Variants in PRLR observed in about 807,000 individuals in gnomAD.
PRLR encodes the protein hPRL receptor.
In PRLR, 13 loss-of-function variants were observed where a neutral mutation model predicts 40.2. That is an observed-to-expected ratio of 0.32 (90% CI 0.21 to 0.51). The LOEUF is 0.51. PRLR is among the 20% of genes least tolerant of loss of function. PRLR has a pLI of 0.97. For missense variants in PRLR, 656 were observed against 747.3 expected, an observed-to-expected ratio of 0.88 and a Z score of 1.42; for synonymous variants, 269 against 278.7, an observed-to-expected ratio of 0.97 and a Z score of 0.35.
chr5:35,094,536 C>T (rs1402374306), intron 2 of PRLR, among the ~76,000 whole-genome samples: 3 of 152,134 alleles, frequency 2.0e-5, no homozygotes, highest in African/African-American at 7.2e-5. Context: ...AAGCCCTGTG[C>T]ATTTCATAAT....
At chr5:35,102,137 A>C (rs946492549) in intron 2 of PRLR, among the ~76,000 whole-genome samples, 7 of 151,776 alleles carry the variant, frequency 4.6e-5, no homozygotes, top group Non-Finnish European at 7.4e-5. Flanking sequence ...CAAACTTTTA[A>C]TCTATTGGGT....
rs117118932 is a variant in PRLR at position 35,151,106 on chromosome 5, C to T, written c.-105-32984G>A. Among the ~76,000 whole-genome samples, 11 of 152,314 alleles carry T rather than the reference C, an allele frequency of 7.2e-5. No individual in the cohort carries two copies. In the East Asian group the frequency reaches 1.9e-3, roughly 27 times the overall value. On this transcript the variant is annotated intron_variant, in intron 1 of 9. Coordinates refer to ENST00000618457, the MANE Select transcript of PRLR (RefSeq NM_000949.7). Reference sequence around the variant, plus strand: ...GCTATTTACCAATATTTCTAGCTCTCCTTCCTTTCTGGGTACACAGGAGGG... The same window carrying T: ...GCTATTTACCAATATTTCTAGCTCTTCTTCCTTTCTGGGTACACAGGAGGG...
At chr5:35,219,151 G>C (rs113710365) in intron 1 of PRLR, among the ~76,000 whole-genome samples, 1 of 152,104 alleles carries the variant, frequency 6.6e-6, no homozygotes, top group African/African-American at 2.4e-5. Flanking sequence ...TCCAACTCCC[G>C]GAAGCCCGGC....
At chr5:35,151,560 C>T (rs77505498) in intron 1 of PRLR, among the ~76,000 whole-genome samples, 3,923 of 152,184 alleles carry the variant, frequency 0.026, 87 homozygotes, top group Middle Eastern at 0.092. Flanking sequence ...AGTGATGCTG[C>T]ATGACCACCA....
At chr5:35,158,010 T>C (rs1378131329) in intron 1 of PRLR, among the ~76,000 whole-genome samples, 2 of 152,204 alleles carry the variant, frequency 1.3e-5, no homozygotes, top group East Asian at 3.8e-4. Flanking sequence ...ACACTTTGAG[T>C]ATTTAGAGAA....
At chr5:35,094,741 T>C (rs551483859) in intron 2 of PRLR, among the ~76,000 whole-genome samples, 3 of 152,250 alleles carry the variant, frequency 2.0e-5, no homozygotes, top group South Asian at 4.1e-4. Context: ...ACCTGCCTTG[T>C]TCTACCTGGG....
At chr5:35,212,707 T>C (rs1032849293) in intron 1 of PRLR, among the ~76,000 whole-genome samples, 2 of 152,232 alleles carry the variant, frequency 1.3e-5, no homozygotes, top group Non-Finnish European at 2.9e-5. Context: ...TGTTCCCATT[T>C]TGCATAACCA....
Position 35,065,725 on chromosome 5 carries a change from G to C in PRLR, c.1233C>G (p.Ser411=). 1 of 1,614,076 alleles carries C rather than the reference G, an allele frequency of 6.2e-7. No homozygotes were observed. Among genetic ancestry groups the C allele is most frequent in the Non-Finnish European group, 8.5e-7 (1 of 1,180,014 alleles). Reference sequence around the variant, plus strand: ...GTGGTAAGGGCCATGTTGAACATTTGGATCCACCAGCATGAAAATAGGGGA... The same window carrying C: ...GTGGTAAGGGCCATGTTGAACATTTCGATCCACCAGCATGAAAATAGGGGA... ...GKIPYFHAGG[S]KCSTWPLPQP... Residue 411 remains serine, a synonymous_variant, in exon 10 of 10, where the codon TCC becomes TCG. Coordinates refer to ENST00000618457, the MANE Select transcript of PRLR (RefSeq NM_000949.7).
chr5:35,101,828 A>T (rs987558249), intron 2 of PRLR, among the ~76,000 whole-genome samples: 2 of 147,918 alleles, frequency 1.4e-5, no homozygotes, highest in East Asian at 1.9e-4. Context: ...TTTATATATT[A>T]TATATATATA....
intron 1 of PRLR, among the ~76,000 whole-genome samples, chr5:35,208,977 A>C (rs756517347): frequency 6.6e-6 from 1 of 152,178 alleles, no homozygotes; most frequent in Non-Finnish European, 1.5e-5. Context: ...AATGTTATAC[A>C]AGCTTAAAAA....
chr5:35,049,306 G>C (rs1768393374), exon 9 of PRLR: 3 of 703,372 alleles, frequency 4.3e-6, no homozygotes, highest in Non-Finnish European at 2.6e-6. Context: ...TGTGGTCAAT[G>C]TTGCCTTTGT....
chr5:35,148,762 G>T (rs752536376), intron 1 of PRLR, among the ~76,000 whole-genome samples: 3 of 152,032 alleles, frequency 2.0e-5, no homozygotes, highest in Non-Finnish European at 4.4e-5. Context: ...AATTTTAGGA[G>T]ACTTTTTTAA....
intron 1 of PRLR, among the ~76,000 whole-genome samples, chr5:35,144,797 G>A (rs953834435): frequency 2.5e-4 from 38 of 152,130 alleles, no homozygotes; most frequent in African/African-American, 8.9e-4. Flanking sequence ...AAGACATAGG[G>A]TCTCACTGTG....
chr5:35,132,617 A>G (rs2111782876), intron 1 of PRLR, among the ~76,000 whole-genome samples: 1 of 152,346 alleles, frequency 6.6e-6, no homozygotes, highest in African/African-American at 2.4e-5. Context: ...TAGGAAACAC[A>G]TTGGTGAATT....
At chr5:35,102,751 C>A (rs10447126) in intron 2 of PRLR, among the ~76,000 whole-genome samples, 1 of 152,022 alleles carries the variant, frequency 6.6e-6, no homozygotes, top group African/African-American at 2.4e-5. Flanking sequence ...CCATATTGGT[C>A]AGGCTGGTCT....
intron 2 of PRLR, among the ~76,000 whole-genome samples, chr5:35,096,369 T>C (rs1205397873): frequency 6.6e-6 from 1 of 152,114 alleles, no homozygotes; most frequent in Non-Finnish European, 1.5e-5. Flanking sequence ...AAGGCAAGAA[T>C]AGGAATTGGA....
chr5:35,181,308 A>C, intron 1 of PRLR, among the ~76,000 whole-genome samples: 1 of 148,440 alleles, frequency 6.7e-6, no homozygotes, highest in East Asian at 2.0e-4. Context: ...ACTAGGCATT[A>C]GAGTTTAGCT....
At chr5:35,066,597 C>T (rs1265716937) in intron 9 of PRLR, among the ~76,000 whole-genome samples, 1 of 151,724 alleles carries the variant, frequency 6.6e-6, no homozygotes, top group Non-Finnish European at 1.5e-5. Context: ...CTTCTCCTCC[C>T]TCTTCCTAAT....
intron 2 of PRLR, among the ~76,000 whole-genome samples, chr5:35,115,318 C>G (rs1214464993): frequency 6.6e-6 from 1 of 152,120 alleles, no homozygotes; most frequent in African/African-American, 2.4e-5. Context: ...AGAGAAGCAC[C>G]AGCAAGACAA....
Sources: allele counts gnomAD v4.1 joint callset (sites outside exome capture counted in the v4.1 genomes callset), GRCh38; gene constraint gnomAD v4.1.1; transcripts MANE v1.5; gene names NCBI Gene and HGNC (gene_info 2026-07-23, HGNC 2026-07-21).